The following ABLIM1 variants were observed in gnomAD, a reference collection of about 807,000 sequenced individuals.
The protein encoded by ABLIM1 is actin-binding LIM protein 1.
A neutral mutation model predicts 107.0 loss-of-function variants in ABLIM1; 40 were observed. That is an observed-to-expected ratio of 0.37 (90% CI 0.29 to 0.49). ABLIM1 has a LOEUF of 0.49. Ranked by LOEUF, ABLIM1 falls within the 20% of genes least tolerant of loss-of-function variation. The pLI is 0.97. For synonymous variants in ABLIM1, 357 were observed against 357.3 expected (o/e 1.00, Z 0.01); for missense variants, 857 against 1,008.5 (o/e 0.85, Z 2.04).
rs189875012 is a variant in ABLIM1, at chr10:114,599,203, T to G, written c.379+2624A>C. ...ACATTTTGTTAAATTGAAAAATAAT[T>G]CCTACAGATAGCAAGTATTCTTAAA... On this transcript the variant is annotated intron_variant, in intron 2 of 22. Transcript: ENST00000533213. 3.5e-3 allele frequency among the ~76,000 whole-genome samples: 532 copies of G among 152,312 alleles called. 5 individuals carry two copies. The highest frequency in any genetic ancestry group is 0.012 in the African/African-American group (517 of 41,566).
At chr10:114,774,732 G>A in the ABLIM1 span, among the ~76,000 whole-genome samples, 1 of 152,094 alleles carries the variant, frequency 6.6e-6, no homozygotes, top group African/African-American at 2.4e-5. Context: ...ACCTAGACAT[G>A]AGGGCTAGGG....
Position 114,583,984 on chromosome 10 carries a change from G to A in ABLIM1, c.380-8385C>T, listed in dbSNP as rs1403621187. 2.0e-5 allele frequency among the ~76,000 whole-genome samples: 3 copies of A among 152,016 alleles called. No individual in the cohort carries two copies. The East Asian group carries it at 5.8e-4, about 29-fold the overall frequency. ...GAATGCAAGGGTGGGGAAGCAGGCA[G>A]GGAAAGGTAGAAAAGCTACCTATTG... On this transcript the variant is annotated intron_variant, in intron 2 of 22. Coordinates refer to ENST00000533213, the MANE Select transcript of ABLIM1 (RefSeq NM_002313.7).
chr10:114,440,837 G>T (rs775323177), intron 19 of ABLIM1, 180 bp downstream of exon 19: 37 of 716,128 alleles, frequency 5.2e-5, no homozygotes, highest in Non-Finnish European at 8.3e-5. Flanking sequence ...CTTACAGTTT[G>T]ATTTCATTAG....
chr10:114,624,378 T>G (rs1336032132), intron 1 of ABLIM1, among the ~76,000 whole-genome samples: 2 of 152,160 alleles, frequency 1.3e-5, no homozygotes, highest in African/African-American at 4.8e-5. Flanking sequence ...TGCTTCTTGG[T>G]GGGGTGAGTC....
At chr10:114,749,033 T>C (rs1385532940) in intron 1 of ABLIM1, among the ~76,000 whole-genome samples, 2 of 152,200 alleles carry the variant, frequency 1.3e-5, no homozygotes, top group Admixed American at 6.5e-5. Flanking sequence ...AGGGGATTTA[T>C]GTCTAGCTCA....
chr10:114,779,539 G>C, the ABLIM1 span: 1 of 152,018 alleles, frequency 6.6e-6, no homozygotes, highest in African/African-American at 2.4e-5. Flanking sequence ...CTTTTTCTTT[G>C]TTTACATACA....
chr10:114,781,666 A>G, the ABLIM1 span, among the ~76,000 whole-genome samples: 60 of 35,572 alleles, frequency 1.7e-3, no homozygotes, highest in African/African-American at 7.8e-3. Context: ...ATATGCGTGT[A>G]TATATATATA....
intron 6 of ABLIM1, among the ~76,000 whole-genome samples, chr10:114,532,008 T>C (rs111900266): frequency 0.011 from 1,645 of 152,096 alleles, 12 homozygotes; most frequent in Non-Finnish European, 0.017. Flanking sequence ...AGATACGGGG[T>C]TTCATGATGT....
chr10:114,748,658 T>TC (rs1419820784), intron 1 of ABLIM1, among the ~76,000 whole-genome samples: 2 of 150,530 alleles, frequency 1.3e-5, no homozygotes, highest in African/African-American at 4.9e-5. Context: ...TTTTTTTTTT[T>TC]CTTTTTTTTT....
At chr10:114,755,612 G>C (rs1487078014) in intron 1 of ABLIM1, among the ~76,000 whole-genome samples, 1 of 152,230 alleles carries the variant, frequency 6.6e-6, no homozygotes, top group East Asian at 1.9e-4. Context: ...TACTTGTCTA[G>C]CCGGCTTTGT....
intron 1 of ABLIM1, among the ~76,000 whole-genome samples, chr10:114,616,061 G>T (rs773025651): frequency 6.6e-6 from 1 of 151,996 alleles, no homozygotes; most frequent in Non-Finnish European, 1.5e-5. Context: ...AAGTGTGGGC[G>T]GTGGCTCACA....
chr10:114,644,306 A>AAAAATATAT (rs1408072252), intron 1 of ABLIM1, among the ~76,000 whole-genome samples: 85 of 52,228 alleles, frequency 1.6e-3, no homozygotes, highest in South Asian at 1.9e-3. Context: ...AAAAAAAAAA[A>AAAAATATAT]ATATATATAT....
chr10:114,660,600 C>A (rs955834623), upstream of ABLIM1, among the ~76,000 whole-genome samples: 4 of 152,134 alleles, frequency 2.6e-5, no homozygotes, highest in Admixed American at 1.3e-4. Context: ...CCAGGTTCTT[C>A]TAGAGTGTTT....
intron 2 of ABLIM1, among the ~76,000 whole-genome samples, chr10:114,587,700 C>T (rs962175342): frequency 6.6e-6 from 1 of 152,126 alleles, no homozygotes; most frequent in Non-Finnish European, 1.5e-5. Context: ...ACAAGGCAGC[C>T]CCCACACCTG....
chr10:114,574,061 CTTA>C (rs966920382), intron 3 of ABLIM1, among the ~76,000 whole-genome samples: 30 of 152,232 alleles, frequency 2.0e-4, no homozygotes, highest in African/African-American at 7.0e-4. Flanking sequence ...TATTTTGTGT[CTTA>C]TTATGATTTA....
intron 1 of ABLIM1, chr10:114,684,215 A>G: frequency 6.9e-7 from 1 of 1,458,024 alleles, no homozygotes; most frequent in Non-Finnish European, 9.4e-7. Context: ...AAAGCCCTGC[A>G]TCTTTCCTCA....
intron 1 of ABLIM1, among the ~76,000 whole-genome samples, chr10:114,641,859 G>A (rs1372092802): frequency 1.3e-5 from 2 of 149,150 alleles, no homozygotes; most frequent in African/African-American, 2.6e-5. Flanking sequence ...ATTGTAAAGG[G>A]CCTTGGCTTT....
intron 12 of ABLIM1, among the ~76,000 whole-genome samples, chr10:114,455,495 C>A (rs886275069): frequency 6.6e-6 from 1 of 152,076 alleles, no homozygotes; most frequent in African/African-American, 2.4e-5. Context: ...ATAAAAAACA[C>A]AGAGGAAAAC....
chr10:114,645,437 T>G lies in ABLIM1; in HGVS notation c.244+12520A>C, dbSNP rs116559543. Among the ~76,000 whole-genome samples the G allele has an allele frequency of 9.9e-3, 1,502 of 152,252 alleles. 19 individuals carry two copies. The highest frequency in any genetic ancestry group is 0.033 in the African/African-American group (1,383 of 41,536). The stretch of plus-strand genomic sequence containing the variant: ...TAGGATCACCTTCCAAATAAATTAC[T>G]TGCTTTTAAGTTTTCCTCGCAGAGT... On this transcript the variant is annotated intron_variant, in intron 1 of 22. Transcript: ENST00000533213.
Sources: allele counts gnomAD v4.1 joint callset (sites outside exome capture counted in the v4.1 genomes callset), GRCh38; gene constraint gnomAD v4.1.1; transcripts MANE v1.5; gene names NCBI Gene and HGNC (gene_info 2026-07-23, HGNC 2026-07-21).